Variants in TOP6BL observed in about 807,000 individuals in gnomAD.
The protein encoded by TOP6BL is TOP6B like initiator of meiotic double strand breaks.
chr11:66,838,483 G>C, the TOP6BL span: 1 of 1,568,756 alleles, frequency 6.4e-7, no homozygotes, highest in East Asian at 2.2e-5. Context: ...CTGGACTGCA[G>C]CAGAGGAAGT....
chr11:66,801,080 G>A, the TOP6BL span: 16 of 1,613,752 alleles, frequency 9.9e-6, no homozygotes, highest in African/African-American at 1.3e-5. Flanking sequence ...TGCTCTTTTG[G>A]TCGACTCCCA....
the TOP6BL span, among the ~76,000 whole-genome samples, chr11:66,782,516 A>G: frequency 9.9e-5 from 15 of 151,984 alleles, no homozygotes; most frequent in African/African-American, 3.6e-4. Context: ...TCCAAAATCT[A>G]TTCTCTGCCT....
the TOP6BL span, among the ~76,000 whole-genome samples, chr11:66,785,008 T>C: frequency 7.0e-6 from 1 of 143,622 alleles, no homozygotes; most frequent in African/African-American, 2.6e-5. Context: ...CAGGCTGGAG[T>C]GCAATGGCGT....
At chr11:66,780,589 ATT>A in the TOP6BL span, among the ~76,000 whole-genome samples, 1 of 151,476 alleles carries the variant, frequency 6.6e-6, no homozygotes, top group Non-Finnish European at 1.5e-5. Flanking sequence ...ATTTTATTTT[ATT>A]TTTTTGGAGA....
the TOP6BL span, among the ~76,000 whole-genome samples, chr11:66,746,668 C>T: frequency 2.0e-5 from 3 of 151,632 alleles, no homozygotes; most frequent in Admixed American, 6.6e-5. Flanking sequence ...GAGCTGAGGT[C>T]GCACCATTGC....
At chr11:66,759,361 A>G in the TOP6BL span, among the ~76,000 whole-genome samples, 1 of 152,212 alleles carries the variant, frequency 6.6e-6, no homozygotes, top group African/African-American at 2.4e-5. Flanking sequence ...CAAGATACCT[A>G]GATCACTGTA....
At chr11:66,837,697 G>A in the TOP6BL span, among the ~76,000 whole-genome samples, 1 of 151,492 alleles carries the variant, frequency 6.6e-6, no homozygotes. Flanking sequence ...TGCCTGCCTC[G>A]GCCTCCCAAA....
chr11:66,809,723 T>A, the TOP6BL span, among the ~76,000 whole-genome samples: 3 of 152,234 alleles, frequency 2.0e-5, no homozygotes, highest in African/African-American at 7.2e-5. Context: ...CTATTTTTTT[T>A]AAAGGGATCT....
At chr11:66,786,310 A>G in the TOP6BL span, among the ~76,000 whole-genome samples, 1 of 152,118 alleles carries the variant, frequency 6.6e-6, no homozygotes, top group Non-Finnish European at 1.5e-5. Context: ...AAAAAAAAAA[A>G]AATTTCTGTT....
chr11:66,748,277 T>G, the TOP6BL span: 1 of 917,858 alleles, frequency 1.1e-6, no homozygotes, highest in Non-Finnish European at 1.6e-6. Context: ...ATACAATTTT[T>G]GGGGGGAAAT....
the TOP6BL span, among the ~76,000 whole-genome samples, chr11:66,752,072 A>G: frequency 6.7e-6 from 1 of 150,266 alleles, no homozygotes; most frequent in Non-Finnish European, 1.5e-5. Context: ...TCTTCCCTTC[A>G]TCATTATTCA....
chr11:66,745,793 GGTTT>G, the TOP6BL span, among the ~76,000 whole-genome samples: 87,592 of 151,224 alleles, frequency 0.58, 28,275 homozygotes, highest in South Asian at 0.73. Flanking sequence ...ATATCTTTAG[GGTTT>G]GTTTGTTTGT....
At chr11:66,842,983 C>G in the TOP6BL span, 1 of 1,550,346 alleles carries the variant, frequency 6.5e-7, no homozygotes, top group South Asian at 1.2e-5. Context: ...CACCGCGGCC[C>G]CCCTCACTCC....
the TOP6BL span, chr11:66,744,873 G>A: frequency 1.5e-6 from 2 of 1,302,988 alleles, no homozygotes; most frequent in Admixed American, 4.0e-5. Flanking sequence ...GGGCGTTGCC[G>A]CTGTTCCCTG....
At chr11:66,780,812 C>T in the TOP6BL span, among the ~76,000 whole-genome samples, 1 of 152,046 alleles carries the variant, frequency 6.6e-6, no homozygotes, top group Non-Finnish European at 1.5e-5. Flanking sequence ...GAACTCCTGG[C>T]CTCAAGCGAT....
chr11:66,751,224 ACT>A, the TOP6BL span, among the ~76,000 whole-genome samples: 1 of 151,570 alleles, frequency 6.6e-6, no homozygotes, highest in Non-Finnish European at 1.5e-5. Flanking sequence ...GCAGAGTCTC[ACT>A]CTGTCACCAG....
chr11:66,758,608 C>G, the TOP6BL span, among the ~76,000 whole-genome samples: 1 of 152,078 alleles, frequency 6.6e-6, no homozygotes, highest in African/African-American at 2.4e-5. Flanking sequence ...GCCACCGCAC[C>G]CGGCCGGTAT....
chr11:66,822,085 G>A, the TOP6BL span, among the ~76,000 whole-genome samples: 2 of 152,174 alleles, frequency 1.3e-5, no homozygotes, highest in Admixed American at 1.3e-4. Context: ...TTCTGGAGCT[G>A]CTGTTTCGCT....
At chr11:66,749,383 T>C in the TOP6BL span, among the ~76,000 whole-genome samples, 4 of 152,036 alleles carry the variant, frequency 2.6e-5, no homozygotes, top group Non-Finnish European at 5.9e-5. Flanking sequence ...AATAGTCTAA[T>C]CCAATAAACT....
Sources: gnomAD v4.1 joint callset for allele counts (sites outside exome capture counted in the v4.1 genomes callset) on GRCh38, gnomAD v4.1.1 for gene constraint, MANE v1.5 for transcripts, NCBI Gene and HGNC (gene_info 2026-07-23, HGNC 2026-07-21) for gene names.